The following GALNT14 variants were observed in gnomAD, a reference collection of about 807,000 sequenced individuals.
GALNT14 encodes the protein UDP-GalNAc:polypeptide N-acetylgalactosaminyltransferase 14.
Under a neutral mutation model 77.5 loss-of-function variants are expected in GALNT14, and 60 were observed. The observed-to-expected ratio is 0.77, with a 90% CI of 0.63 to 0.96. The LOEUF is 0.96. Among genes scored for constraint, GALNT14 ranks in the 40% least tolerant of loss-of-function variants. GALNT14 has a pLI of 0.00. For missense variants in GALNT14, 710 were observed against 731.0 expected (o/e 0.97, Z 0.33); for synonymous variants, 280 against 281.7 (o/e 0.99, Z 0.06).
intron 1 of GALNT14, among the ~76,000 whole-genome samples, chr2:31,000,360 T>C (rs1226796789): frequency 1.3e-5 from 2 of 152,140 alleles, no homozygotes; most frequent in Non-Finnish European, 2.9e-5. Context: ...AAAAGTATTA[T>C]TCGTTTCCCA....
At chr2:31,089,544 T>C (rs1676625229) in intron 1 of GALNT14, among the ~76,000 whole-genome samples, 1 of 152,142 alleles carries the variant, frequency 6.6e-6, no homozygotes, top group South Asian at 2.1e-4. Flanking sequence ...TTATTTTTTT[T>C]TCTCACTTCT....
chr2:30,932,055 C>A lies in GALNT14; in HGVS notation c.1058+13G>T. 1 of 1,517,996 alleles carries A rather than the reference C, an allele frequency of 6.6e-7. No individual in the cohort carries two copies. Among genetic ancestry groups the A allele is most frequent in the Admixed American group, 2.1e-5 (1 of 48,288 alleles). 94.0% of individuals were successfully genotyped at this position (1,517,996 alleles called of 1,614,324 possible). A position where few individuals can be genotyped will look rare whatever the true frequency, so the allele number is the denominator to read the frequency against. ...TGCTGCTGCCCACCCGCGCTGAGCC[C>A]CTGGGCACTTACTTTATATACGTGT... On this transcript the variant is annotated intron_variant, in intron 10 of 14. Transcript: ENST00000349752.
intron 13 of GALNT14, among the ~76,000 whole-genome samples, chr2:30,914,926 C>G (rs982139095): frequency 3.3e-5 from 5 of 152,170 alleles, no homozygotes; most frequent in Non-Finnish European, 7.3e-5. Context: ...TCAAATGCAA[C>G]AGCTGGACTA....
intron 1 of GALNT14, among the ~76,000 whole-genome samples, chr2:31,132,380 T>C (rs540134147): frequency 2.6e-5 from 4 of 152,250 alleles, no homozygotes; most frequent in Admixed American, 6.5e-5. Context: ...AACCTGCCAT[T>C]TGCATATTTC....
intron 2 of GALNT14, among the ~76,000 whole-genome samples, chr2:30,970,590 C>T (rs1402832941): frequency 6.6e-6 from 1 of 152,094 alleles, no homozygotes; most frequent in Non-Finnish European, 1.5e-5. Context: ...ATGGAGACGA[C>T]GCAGTTAAAC....
Position 30,958,461 on chromosome 2 carries a change from T to C in GALNT14, c.402A>G (p.Val134=), listed in dbSNP as rs147967404. The change falls in exon 4 of 15, where the codon GTA becomes GTG. Residue 134 remains valine (V), a synonymous_variant. Transcript: ENST00000349752. ...RSTLLRTIRS[V]LNRTPTHLIR... ...TCAGATGCGTAGGGGTGCGGTTTAA[T>C]ACACTGCAAGATGGAAACAGAAAAA... 9.3e-6 allele frequency: 15 copies of C among 1,613,782 alleles called. No individual in the cohort carries two copies. Among genetic ancestry groups the C allele is most frequent in the African/African-American group, 4.0e-5 (3 of 74,906 alleles).
intron 1 of GALNT14, among the ~76,000 whole-genome samples, chr2:31,003,215 A>G (rs1233589268): frequency 1.3e-5 from 2 of 152,166 alleles, no homozygotes; most frequent in Admixed American, 6.5e-5. Flanking sequence ...TGCTCCTTCA[A>G]TGTTGTAGTT....
intron 13 of GALNT14, among the ~76,000 whole-genome samples, chr2:30,916,579 C>T (rs973897465): frequency 2.0e-5 from 3 of 152,166 alleles, no homozygotes; most frequent in Non-Finnish European, 2.9e-5. Context: ...AGCCTTAAAA[C>T]CTTCTGTGCT....
At chr2:31,079,563 A>C (rs1478819870) in intron 1 of GALNT14, among the ~76,000 whole-genome samples, 1 of 152,104 alleles carries the variant, frequency 6.6e-6, no homozygotes, top group Admixed American at 6.5e-5. Flanking sequence ...TGCTTTTTGC[A>C]AGTGGTTATG....
At chr2:30,933,541 G>T (rs1665874545) in intron 9 of GALNT14, among the ~76,000 whole-genome samples, 1 of 152,170 alleles carries the variant, frequency 6.6e-6, no homozygotes. Flanking sequence ...ACTGAGGTAA[G>T]ACTTCTTTCA....
At chr2:31,079,247 T>C (rs1573315283) in intron 1 of GALNT14, among the ~76,000 whole-genome samples, 1 of 152,266 alleles carries the variant, frequency 6.6e-6, no homozygotes, top group Middle Eastern at 3.4e-3. Flanking sequence ...GATGATGGCT[T>C]CTGGGTGAGG....
chr2:31,053,374 C>T (rs1192265433), intron 1 of GALNT14, among the ~76,000 whole-genome samples: 1 of 152,156 alleles, frequency 6.6e-6, no homozygotes, highest in East Asian at 1.9e-4. Flanking sequence ...AACTCACCCG[C>T]TAGCACCTGC....
At chr2:31,083,948 C>T (rs898778302) in intron 1 of GALNT14, among the ~76,000 whole-genome samples, 2 of 152,114 alleles carry the variant, frequency 1.3e-5, no homozygotes, top group Admixed American at 6.5e-5. Context: ...GGTGAGCTGC[C>T]GGGGATCTCG....
chr2:30,904,269 C>T, the GALNT14 span, among the ~76,000 whole-genome samples: 8 of 152,194 alleles, frequency 5.3e-5, no homozygotes, highest in Non-Finnish European at 8.8e-5. Context: ...ACGCAGAAGA[C>T]GGTGATTTCT....
chr2:30,963,695 TGTAGTTA>T (rs1219110411), intron 3 of GALNT14, among the ~76,000 whole-genome samples: 2 of 152,334 alleles, frequency 1.3e-5, no homozygotes, highest in South Asian at 2.1e-4. Context: ...TTTCTACAGA[TGTAGTTA>T]ATAACATGCC....
chr2:30,983,221 G>A (rs1377048397), intron 2 of GALNT14, among the ~76,000 whole-genome samples: 1 of 152,142 alleles, frequency 6.6e-6, no homozygotes, highest in Non-Finnish European at 1.5e-5. Flanking sequence ...TAGGGGCCTG[G>A]GGAGGGTAGT....
intron 13 of GALNT14, among the ~76,000 whole-genome samples, chr2:30,918,445 C>T (rs1305997283): frequency 6.6e-6 from 1 of 152,216 alleles, no homozygotes; most frequent in Non-Finnish European, 1.5e-5. Flanking sequence ...TGGTGCTTTC[C>T]ATTAGCAAAT....
At chr2:30,955,872 C>T in intron 5 of GALNT14, 40 bp downstream of exon 5, 1 of 1,612,842 alleles carries the variant, frequency 6.2e-7, no homozygotes, top group Non-Finnish European at 8.5e-7. Flanking sequence ...GACCCCCCGA[C>T]ACTCACACTG....
chr2:30,916,460 G>A (rs1664683552), intron 13 of GALNT14, among the ~76,000 whole-genome samples: 3 of 152,232 alleles, frequency 2.0e-5, no homozygotes, highest in Admixed American at 6.5e-5. Context: ...CCCAGAGACT[G>A]TCCTTAGTTG....
Sources: allele counts gnomAD v4.1 joint callset (sites outside exome capture counted in the v4.1 genomes callset), GRCh38; gene constraint gnomAD v4.1.1; transcripts MANE v1.5; gene names NCBI Gene and HGNC (gene_info 2026-07-23, HGNC 2026-07-21).